Variants in DRD1 observed in about 807,000 individuals in gnomAD.
DRD1 encodes the protein dopamine receptor D1, also known as D(1A) dopamine receptor.
In DRD1, 2 loss-of-function variants were observed where a neutral mutation model predicts 23.8. That is an observed-to-expected ratio of 0.08 (90% CI 0.03 to 0.26). The LOEUF (loss-of-function observed/expected upper bound fraction) is 0.26. DRD1 is among the 10% of genes least tolerant of loss of function. The pLI is 1.00. For missense variants in DRD1, 376 were observed against 559.0 expected, an observed-to-expected ratio of 0.67 and a Z score of 3.30; for synonymous variants, 218 against 225.7, an observed-to-expected ratio of 0.97 and a Z score of 0.30.
At position 175,441,521 on chromosome 5, in the gene DRD1, A is replaced by G; in HGVS notation, c.*238T>C. 1 of 419,296 alleles carries G rather than the reference A, an allele frequency of 2.4e-6. No individual in the cohort carries two copies. The allele number at this position is 419,296 out of a possible 1,614,324, so 26.0% of individuals were successfully genotyped here. On this transcript the variant is annotated 3_prime_UTR_variant, in exon 2 of 2. Transcript: ENST00000393752. ...AATTTCTAAAAACAATTCTGAAGCCAAAGACATGTCCCTTATGGCTCCCCA... is the reference window on the plus strand; with the variant it reads ...AATTTCTAAAAACAATTCTGAAGCCGAAGACATGTCCCTTATGGCTCCCCA...
chr5:175,443,569 A>G lies in DRD1; in HGVS notation c.-470T>C, dbSNP rs554147045. 26 of 181,364 alleles carry G rather than the reference A, an allele frequency of 1.4e-4. No individual in the cohort carries two copies. In the South Asian group the frequency reaches 4.0e-3, roughly 28 times the overall value. 11.2% of individuals were successfully genotyped at this position (181,364 alleles called of 1,614,324 possible). The stretch of plus-strand genomic sequence containing the variant: ...TCCTCCAAGCCCCTGGCTCCTCAGC[A>G]GCTCTCCAAACGCCTTAAAAAGCAA... On this transcript the variant is annotated 5_prime_UTR_variant, in exon 2 of 2. Coordinates refer to ENST00000393752, the MANE Select transcript of DRD1 (RefSeq NM_000794.5).
At position 175,444,039 on chromosome 5, in the gene DRD1, G is replaced by C. The variant is rs1461208458; in HGVS notation, c.-824C>G. On this transcript the variant is annotated 5_prime_UTR_variant, in exon 1 of 2. Transcript: ENST00000393752. ...CAGCTTCTTTTCTTGGCTTCCTTTC[G>C]AGAGCCCAGAGCCTTGGCGAACCTC... The C allele has an allele frequency of 1.3e-5, 2 of 152,540 alleles. No homozygotes were observed. Among genetic ancestry groups the C allele is most frequent in the African/African-American group, 4.8e-5 (2 of 41,476 alleles). 9.4% of individuals were successfully genotyped at this position (152,540 alleles called of 1,614,324 possible). A position where few individuals can be genotyped will look rare whatever the true frequency, so the allele number is the denominator to read the frequency against.
In DRD1 at chr5:175,442,756, C is replaced by G. The variant is rs1409682049; in HGVS notation, c.344G>C (p.Cys115Ser). ...MCSTASILNL[C>S]VISVDRYWAI... is the part of the protein sequence containing the mutation. ...CCAATACCTGTCCACGCTGATCACA[C>G]AGAGGTTGAGGATGGATGCAGTGGA... Residue 115 changes from cysteine (C) to serine (S), a missense_variant, in exon 2 of 2, where the codon TGT (cysteine) becomes TCT (serine). Physicochemically the swap from Cys to Ser is moderately radical, Grantham distance 112. Transcript: ENST00000393752. This position sits in a 1 kb window ranked among gnomAD's most constrained non-coding sequence, Gnocchi z 7.3. The G allele has an allele frequency of 6.2e-7, 1 of 1,614,088 alleles. No individual in the cohort carries two copies. Among genetic ancestry groups the G allele is most frequent in the South Asian group, 1.1e-5 (1 of 91,066 alleles).
At position 175,443,997 on chromosome 5, in the gene DRD1, A is replaced by T. The variant is rs1163547385; in HGVS notation, c.-782T>A. 2.0e-5 allele frequency: 3 copies of T among 152,606 alleles called. No homozygotes were observed. In the East Asian group the frequency reaches 5.8e-4, roughly 29 times the overall value. The allele number at this position is 152,606 out of a possible 1,614,324, so 9.5% of individuals were successfully genotyped here. ...AGCTTCCTTGGGAGAGAGCACTCCC[A>T]GGACTGGTCACCTGGGCAGCTTCTT... On this transcript the variant is annotated 5_prime_UTR_variant, in exon 1 of 2. Coordinates refer to ENST00000393752, the MANE Select transcript of DRD1 (RefSeq NM_000794.5).
At position 175,441,635 on chromosome 5, in the gene DRD1, AAGC is replaced by A; in HGVS notation, c.*121_*123del. On this transcript the variant is annotated 3_prime_UTR_variant, in exon 2 of 2. Coordinates refer to ENST00000393752, the MANE Select transcript of DRD1 (RefSeq NM_000794.5). ...GAAACGGAGTTAATTGTGTGTTGGA[AAGC>A]AGCAGAGGGCTCTCCTGACACCTCA... The A allele has an allele frequency of 8.1e-7, 1 of 1,232,378 alleles. No homozygotes were observed. Among genetic ancestry groups the A allele is most frequent in the Non-Finnish European group, 1.1e-6 (1 of 898,276 alleles). The allele number at this position is 1,232,378 out of a possible 1,614,324, so 76.3% of individuals were successfully genotyped here. A position where few individuals can be genotyped will look rare whatever the true frequency, so the allele number is the denominator to read the frequency against.
rs778443115 is a variant in DRD1 at position 175,443,288 on chromosome 5, C to T, written c.-189G>A. The T allele has an allele frequency of 4.4e-6, 3 of 683,680 alleles. No homozygotes were observed. Among genetic ancestry groups the T allele is most frequent in the East Asian group, 2.8e-5 (1 of 36,348 alleles). The allele number at this position is 683,680 out of a possible 1,614,324, so 42.4% of individuals were successfully genotyped here. On this transcript the variant is annotated 5_prime_UTR_variant, in exon 2 of 2. Coordinates refer to ENST00000393752, the MANE Select transcript of DRD1 (RefSeq NM_000794.5). ...CTTGAGTGGCAATCCAAGTCAATCC[C>T]GTGGATGGTCACTCTTGATTTCTAC...
rs139908345 is a variant in DRD1 at position 175,442,292 on chromosome 5, C to G, written c.808G>C (p.Val270Leu). Residue 270 changes from valine (V) to leucine (L), a missense_variant, in exon 2 of 2, where the codon GTC becomes CTC. Transcript: ENST00000393752. The surrounding 1 kb of genome is among the most constrained non-coding windows in gnomAD (Gnocchi z 7.3). ...ATGATCACCGACAGAGTCTTCAGGA[C>G]TTTAGTTTCTCTTTTGAAGGACATC... Reference protein sequence around the residue: ...FKMSFKRETKVLKTLSVIMGV... With the variant: ...FKMSFKRETKLLKTLSVIMGV... 9.3e-6 allele frequency: 15 copies of G among 1,613,988 alleles called. No individual in the cohort carries two copies.
Position 175,442,333 on chromosome 5 carries a change from G to T in DRD1, c.767C>A (p.Pro256Gln). ...GAAGGACATCTTAAAAGAACTTTCCGGTTGAGAACATTCGACAGGCTTTCC... is the reference window on the plus strand; with the variant it reads ...GAAGGACATCTTAAAAGAACTTTCCTGTTGAGAACATTCGACAGGCTTTCC... ...GNGKPVECSQ[P>Q]ESSFKMSFKR... is the part of the protein sequence containing the mutation. The change falls in exon 2 of 2, where the codon CCG becomes CAG. Residue 256 changes from proline (P) to glutamine (Q), a missense_variant. Coordinates refer to ENST00000393752, the MANE Select transcript of DRD1 (RefSeq NM_000794.5). This position sits in a 1 kb window ranked among gnomAD's most constrained non-coding sequence, Gnocchi z 7.3. 1.2e-6 allele frequency: 2 copies of T among 1,614,114 alleles called. No homozygotes were observed. The highest frequency in any genetic ancestry group is 1.1e-5 in the South Asian group (1 of 91,082).
chr5:175,443,235 G>A lies in DRD1; in HGVS notation c.-136C>T. The A allele has an allele frequency of 8.3e-7, 1 of 1,208,402 alleles. No homozygotes were observed. The highest frequency in any genetic ancestry group is 1.5e-5 in the South Asian group (1 of 64,548). 74.9% of individuals were successfully genotyped at this position (1,208,402 alleles called of 1,614,324 possible). On this transcript the variant is annotated 5_prime_UTR_variant, in exon 2 of 2. Coordinates refer to ENST00000393752, the MANE Select transcript of DRD1 (RefSeq NM_000794.5). ...AGCCAGATTGCTTCCCTGGCAGAGG[G>A]CCTCACCAACATTCCATGAGAGGAC...
chr5:175,443,089 A>G lies in DRD1; in HGVS notation c.11T>C (p.Leu4Pro), dbSNP rs1258533518. Residue 4 changes from leucine (L) to proline (P), a missense_variant, in exon 2 of 2, where the codon CTG becomes CCG. This residue lies in a region of DRD1 where 47 missense variants were observed against 39.4 expected (regional missense o/e 1.19). Transcript: ENST00000393752. ...AGTCCCGTCCATGGCAGAGGTGTTC[A>G]GAGTCCTCATCTTCCTAAGAGAAAG... Reference protein sequence around the residue: MRTLNTSAMDGTGL... With the variant: MRTPNTSAMDGTGL... The G allele has an allele frequency of 1.2e-6, 2 of 1,613,632 alleles. No homozygotes were observed. Among genetic ancestry groups the G allele is most frequent in the Admixed American group, 1.7e-5 (1 of 59,980 alleles).
In DRD1 at chr5:175,441,723, TG is replaced by T. The variant is rs1414126427; in HGVS notation, c.*35del. The T allele has an allele frequency of 6.5e-7, 1 of 1,528,592 alleles. No individual in the cohort carries two copies. Among genetic ancestry groups the T allele is most frequent in the African/African-American group, 1.4e-5 (1 of 72,356 alleles). The allele number at this position is 1,528,592 out of a possible 1,614,324, so 94.7% of individuals were successfully genotyped here. On this transcript the variant is annotated 3_prime_UTR_variant, in exon 2 of 2. Coordinates refer to ENST00000393752, the MANE Select transcript of DRD1 (RefSeq NM_000794.5). The stretch of plus-strand genomic sequence containing the variant: ...CCCCAGAGCAATCTCCTCTAGCTTT[TG>T]GGATGAGCATGTGTGGCAGGATTCA...
rs1758555316 is a variant in DRD1, at chr5:175,443,145, C to G, written c.-46G>C. On this transcript the variant is annotated 5_prime_UTR_variant, in exon 2 of 2. Coordinates refer to ENST00000393752, the MANE Select transcript of DRD1 (RefSeq NM_000794.5). ...CAGGGGCTCTGACACCCCTCAAGTT[C>G]CCAAGCAGGGAATAGGGGTCAGTCA... 1 of 1,584,670 alleles carries G rather than the reference C, an allele frequency of 6.3e-7. No individual in the cohort carries two copies. The highest frequency in any genetic ancestry group is 8.6e-7 in the Non-Finnish European group (1 of 1,164,856).
Position 175,440,200 on chromosome 5 carries a change from CA to C in DRD1, c.*1558del, listed in dbSNP as rs1347321665. 6.6e-6 allele frequency: 1 copy of C among 151,844 alleles called. No homozygotes were observed. The highest frequency in any genetic ancestry group is 2.4e-5 in the African/African-American group (1 of 41,334). The allele number at this position is 151,844 out of a possible 1,614,324, so 9.4% of individuals were successfully genotyped here. A position where few individuals can be genotyped will look rare whatever the true frequency, so the allele number is the denominator to read the frequency against. On this transcript the variant is annotated 3_prime_UTR_variant, in exon 2 of 2. Transcript: ENST00000393752. ...TCTAAATGTTAAGTTCATTGCTTAT[CA>C]AGAAGAATACGTTGTAAACATTTCA...
At position 175,443,295 on chromosome 5, in the gene DRD1, G is replaced by A; in HGVS notation, c.-196C>T. Reference sequence around the variant, plus strand: ...GGCAATCCAAGTCAATCCCGTGGATGGTCACTCTTGATTTCTACATCTGTC... The same window carrying A: ...GGCAATCCAAGTCAATCCCGTGGATAGTCACTCTTGATTTCTACATCTGTC... On this transcript the variant is annotated 5_prime_UTR_variant, in exon 2 of 2. Transcript: ENST00000393752. The A allele has an allele frequency of 4.5e-6, 3 of 667,464 alleles. No homozygotes were observed. Among genetic ancestry groups the A allele is most frequent in the Non-Finnish European group, 7.7e-6 (3 of 389,724 alleles). The allele number at this position is 667,464 out of a possible 1,614,324, so 41.3% of individuals were successfully genotyped here. A position where few individuals can be genotyped will look rare whatever the true frequency, so the allele number is the denominator to read the frequency against.
At position 175,441,761 on chromosome 5, in the gene DRD1, A is replaced by C; in HGVS notation, c.1339T>G (p.Ter447GlyextTer4). 1 of 1,562,784 alleles carries C rather than the reference A, an allele frequency of 6.4e-7. No individual in the cohort carries two copies. The highest frequency in any genetic ancestry group is 8.7e-7 in the Non-Finnish European group (1 of 1,154,066). The change falls in exon 2 of 2, where the codon TGA (stop) becomes GGA (glycine). Residue 447 changes from the stop codon to glycine (G), a stop_lost. Transcript: ENST00000393752. ...TGTGGCAGGATTCATCTGCGAGTTC[A>C]GGTTGGGTGCTGACCGTTTTGTGTG... Reference protein sequence around the residue: ...PITQNGQHPT* With the variant: ...PITQNGQHPTG
In DRD1 at chr5:175,442,494, G is replaced by A; in HGVS notation, c.606C>T (p.Ser202=). The A allele has an allele frequency of 6.2e-7, 1 of 1,614,204 alleles. No individual in the cohort carries two copies. The highest frequency in any genetic ancestry group is 8.5e-7 in the Non-Finnish European group (1 of 1,180,038). The change falls in exon 2 of 2, where the codon AGC becomes AGT. Residue 202 remains serine, a synonymous_variant. Transcript: ENST00000393752. This position sits in a 1 kb window ranked among gnomAD's most constrained non-coding sequence, Gnocchi z 7.3. ...RTYAISSSVI[S]FYIPVAIMIV... is the part of the protein sequence containing the mutation. ...TCATGATGGCCACAGGGATGTAAAA[G>A]CTTATTACAGAGGATGAGATGGCAT...
rs754298471 is a variant in DRD1, at chr5:175,442,944, T to G, written c.156A>C (p.Arg52=). ...TLVCAAVIRF[R]HLRSKVTNFF... is the part of the protein sequence containing the mutation. ...AGTTGGTCACCTTGGACCGCAGGTG[T>G]CGGAACCTGATAACGGCAGCACAGA... is the stretch of plus-strand genomic sequence containing the variant. Residue 52 remains arginine, a synonymous_variant, in exon 2 of 2, where the codon CGA becomes CGC. Coordinates refer to ENST00000393752, the MANE Select transcript of DRD1 (RefSeq NM_000794.5). This position sits in a 1 kb window ranked among gnomAD's most constrained non-coding sequence, Gnocchi z 7.3. 112 of 1,612,896 alleles carry G rather than the reference T, an allele frequency of 6.9e-5. 3 individuals carry two copies. The South Asian group carries it at 1.2e-3, about 18-fold the overall frequency.
chr5:175,441,935 A>T lies in DRD1; in HGVS notation c.1165T>A (p.Tyr389Asn). 1 of 1,614,134 alleles carries T rather than the reference A, an allele frequency of 6.2e-7. No homozygotes were observed. Among genetic ancestry groups the T allele is most frequent in the Non-Finnish European group, 8.5e-7 (1 of 1,179,998 alleles). ...GAGCCCACAGCATGTGGGATCAGGT[A>T]AACCAGATTGCACTCCTTGGAGATG... ...GSISKECNLVYLIPHAVGSSE... is the reference protein window; with the variant it reads ...GSISKECNLVNLIPHAVGSSE... Residue 389 changes from tyrosine to asparagine, a missense_variant, in exon 2 of 2, where the codon TAC becomes AAC. Transcript: ENST00000393752.
Position 175,442,378 on chromosome 5 carries a change from C to A in DRD1, c.722G>T (p.Cys241Phe), listed in dbSNP as rs972985676. The A allele has an allele frequency of 9.9e-6, 16 of 1,614,038 alleles. No individual in the cohort carries two copies. The highest frequency in any genetic ancestry group is 1.2e-5 in the Non-Finnish European group (14 of 1,180,046). Residue 241 changes from cysteine to phenylalanine, a missense_variant, in exon 2 of 2, where the codon TGC becomes TTC. Cys to Phe is a radical substitution (Grantham distance 205, BLOSUM62 -2). Coordinates refer to ENST00000393752, the MANE Select transcript of DRD1 (RefSeq NM_000794.5). The surrounding 1 kb of genome is among the most constrained non-coding windows in gnomAD (Gnocchi z 7.3). ...LERAAVHAKN[C>F]QTTTGNGKPV... The stretch of plus-strand genomic sequence containing the variant: ...CTTTCCATTACCTGTGGTGGTCTGG[C>A]AATTCTTGGCGTGGACTGCTGCCCT...
Sources: allele counts gnomAD v4.1 joint callset, GRCh38; gene constraint gnomAD v4.1.1; regional missense constraint gnomAD v4.1.1; non-coding constraint Gnocchi (gnomAD v3.1); transcripts MANE v1.5; gene names NCBI Gene and HGNC (gene_info 2026-07-23, HGNC 2026-07-21).